CELF2: variants seen among roughly 807,000 people sequenced by gnomAD.
CELF2 encodes the protein CUGBP Elav-like family member 2, also known as CUG triplet repeat RNA-binding protein 2.
A neutral mutation model predicts 62.6 loss-of-function variants in CELF2; 8 were observed. That is an observed-to-expected ratio of 0.13 (90% CI 0.07 to 0.23). The LOEUF (loss-of-function observed/expected upper bound fraction) is 0.23, where lower values mean the gene tolerates loss of function less well. Among genes scored for constraint, CELF2 ranks in the 10% least tolerant of loss-of-function variants. The pLI is 1.00. For synonymous variants in CELF2, 258 were observed against 250.0 expected (o/e 1.03, Z -0.30); for missense variants, 333 against 671.0 (o/e 0.50, Z 5.56).
the CELF2 span, among the ~76,000 whole-genome samples, chr10:10,561,638 A>G: frequency 1.3e-5 from 2 of 152,148 alleles, no homozygotes; most frequent in Non-Finnish European, 2.9e-5. Context: ...ACAGATGGGG[A>G]CAACACCACT....
At chr10:10,718,985 CTTTTTT>C in the CELF2 span, among the ~76,000 whole-genome samples, 13 of 125,130 alleles carry the variant, frequency 1.0e-4, no homozygotes, top group South Asian at 1.9e-3. Context: ...TTATTATTCT[CTTTTTT>C]TTTTTTTTTT....
Position 11,269,243 on chromosome 10 carries a change from T to G in CELF2, c.619-1423T>G, listed in dbSNP as rs972576618. Among the ~76,000 whole-genome samples, 1 of 152,208 alleles carries G rather than the reference T, an allele frequency of 6.6e-6. No individual in the cohort carries two copies. The highest frequency in any genetic ancestry group is 1.5e-5 in the Non-Finnish European group (1 of 68,034). On this transcript the variant is annotated intron_variant, in intron 6 of 12. Transcript: ENST00000633077. The surrounding 1 kb of genome is among the most constrained non-coding windows in gnomAD (Gnocchi z 4.4). ...GATGGAAATACTATTTTTGTGCAAT[T>G]TACTGACATTTAACATTCTGTACCA...
chr10:10,746,103 A>G, the CELF2 span, among the ~76,000 whole-genome samples: 3 of 152,148 alleles, frequency 2.0e-5, no homozygotes, highest in African/African-American at 7.2e-5. Context: ...TTGAATCTTA[A>G]CCATTCATCT....
rs1405283853 is a variant in CELF2, at chr10:11,331,145, T to TATACTGTTTCAATG, written c.*2093_*2106dup. On this transcript the variant is annotated 3_prime_UTR_variant, in exon 13 of 13. Coordinates refer to ENST00000633077, the MANE Select transcript of CELF2 (RefSeq NM_001326342.2). Reference sequence around the variant, plus strand: ...AATGCACATGAAATTACCTATATTTTATACTGTTTCAATGTACAGGAGAAA... The same window carrying TATACTGTTTCAATG: ...AATGCACATGAAATTACCTATATTTTATACTGTTTCAATGATACTGTTTCAATGTACAGGAGAAA... 6.6e-6 allele frequency: 1 copy of TATACTGTTTCAATG among 152,636 alleles called. No homozygotes were observed. Among genetic ancestry groups the TATACTGTTTCAATG allele is most frequent in the East Asian group, 1.9e-4 (1 of 5,204 alleles). The allele number at this position is 152,636 out of a possible 1,614,324, so 9.5% of individuals were successfully genotyped here. A position where few individuals can be genotyped will look rare whatever the true frequency, so the allele number is the denominator to read the frequency against.
chr10:11,084,471 G>A (rs2074884699), intron 1 of CELF2, among the ~76,000 whole-genome samples: 1 of 152,182 alleles, frequency 6.6e-6, no homozygotes, highest in Non-Finnish European at 1.5e-5. Flanking sequence ...GCTGAGTGGT[G>A]AATGTCATTT....
At chr10:11,087,537 G>A (rs1361641707) in intron 1 of CELF2, among the ~76,000 whole-genome samples, 21 of 152,262 alleles carry the variant, frequency 1.4e-4, no homozygotes, top group Middle Eastern at 6.8e-3. Context: ...CACTGTTATC[G>A]CACAGCAGCG....
intron 4 of CELF2, among the ~76,000 whole-genome samples, chr10:11,253,200 T>G (rs1357555482): frequency 6.6e-6 from 1 of 152,204 alleles, no homozygotes; most frequent in Non-Finnish European, 1.5e-5. Flanking sequence ...GTTTTTACTC[T>G]ATATACAGAG....
chr10:10,863,230 G>T (rs2060150900), intron 1 of CELF2, among the ~76,000 whole-genome samples: 1 of 152,176 alleles, frequency 6.6e-6, no homozygotes, highest in East Asian at 1.9e-4. Context: ...GTCCCTAGGA[G>T]TATTAATCCC....
chr10:10,745,518 C>G, the CELF2 span, among the ~76,000 whole-genome samples: 1 of 152,202 alleles, frequency 6.6e-6, no homozygotes, highest in Non-Finnish European at 1.5e-5. Flanking sequence ...AACAGAGCAG[C>G]CTGTCTCCTC....
intron 1 of CELF2, among the ~76,000 whole-genome samples, chr10:11,119,105 A>G (rs2057183687): frequency 6.6e-6 from 1 of 152,200 alleles, no homozygotes; most frequent in Non-Finnish European, 1.5e-5. Flanking sequence ...AGTCTTCACC[A>G]AGAAGATGCA....
the CELF2 span, among the ~76,000 whole-genome samples, chr10:10,614,763 T>C: frequency 2.0e-5 from 3 of 152,148 alleles, no homozygotes; most frequent in African/African-American, 7.2e-5. Context: ...AGCCACCGAT[T>C]GGAGGTTGGA....
Position 10,898,749 on chromosome 10 carries a change from C to G in CELF2, c.54-21215C>G, listed in dbSNP as rs183665975. Among the ~76,000 whole-genome samples, 214 of 152,128 alleles carry G rather than the reference C, an allele frequency of 1.4e-3. 1 individual carries two copies. The highest frequency in any genetic ancestry group is 5.6e-3 in the East Asian group (29 of 5,172). On this transcript the variant is annotated intron_variant, in intron 1 of 13. Transcript: ENST00000636488. ...GAAGGATATAAAAGATTTGAACAAC[C>G]CTTGAAACAACCTGACCTAATTGAC...
intron 7 of CELF2, among the ~76,000 whole-genome samples, chr10:11,273,378 A>G (rs923298480): frequency 3.9e-5 from 6 of 152,160 alleles, no homozygotes; most frequent in African/African-American, 1.2e-4. Flanking sequence ...TAAACTGCAC[A>G]TGCTGAAGGG....
chr10:11,194,101 C>CT (rs1378368210), intron 2 of CELF2, among the ~76,000 whole-genome samples: 2 of 152,088 alleles, frequency 1.3e-5, no homozygotes, highest in Admixed American at 1.3e-4. Context: ...GAGTCTCACT[C>CT]TGTCGCCAGG....
rs1449720053 is a variant in CELF2 at position 11,227,207 on chromosome 10, T to G, written c.354+9700T>G. 1.2e-4 allele frequency among the ~76,000 whole-genome samples: 18 copies of G among 152,166 alleles called. No individual in the cohort carries two copies. The highest frequency in any genetic ancestry group is 2.6e-4 in the Non-Finnish European group (18 of 68,026). ...CCTGCCCTGAAAACTCCTGGAGGCCTTTAGAAAGGAACTGTTCTACCCTGT... is the reference window on the plus strand; with the variant it reads ...CCTGCCCTGAAAACTCCTGGAGGCCGTTAGAAAGGAACTGTTCTACCCTGT... On this transcript the variant is annotated intron_variant, in intron 3 of 12. Transcript: ENST00000633077. This position sits in a 1 kb window ranked among gnomAD's most constrained non-coding sequence, Gnocchi z 4.8.
At chr10:10,780,805 C>T in the CELF2 span, among the ~76,000 whole-genome samples, 4 of 152,276 alleles carry the variant, frequency 2.6e-5, no homozygotes, top group Admixed American at 6.5e-5. Flanking sequence ...AGCCAAGGGG[C>T]TTATATAATC....
chr10:11,175,217 A>G (rs1485871783), intron 2 of CELF2, among the ~76,000 whole-genome samples: 1 of 152,078 alleles, frequency 6.6e-6, no homozygotes, highest in Non-Finnish European at 1.5e-5. Flanking sequence ...TATCAAGGAG[A>G]TGGAGGAGTT....
intron 1 of CELF2, among the ~76,000 whole-genome samples, chr10:10,823,770 C>A (rs2057161904): frequency 6.6e-6 from 1 of 152,146 alleles, no homozygotes; most frequent in South Asian, 2.1e-4. Flanking sequence ...CATCTATGAG[C>A]TTATTTAATT....
chr10:10,960,528 A>G (rs2049380138), intron 2 of CELF2, among the ~76,000 whole-genome samples: 1 of 152,284 alleles, frequency 6.6e-6, no homozygotes, highest in African/African-American at 2.4e-5. Flanking sequence ...AGCCCATAAA[A>G]AATTCTGAAA....
Sources: allele counts gnomAD v4.1 joint callset (sites outside exome capture counted in the v4.1 genomes callset), GRCh38; gene constraint gnomAD v4.1.1; non-coding constraint Gnocchi (gnomAD v3.1); transcripts MANE v1.5; gene names NCBI Gene and HGNC (gene_info 2026-07-23, HGNC 2026-07-21).